Variants in FRMD4A observed in about 807,000 individuals in gnomAD.
The protein encoded by FRMD4A is FERM domain containing 4A, also known as FERM domain-containing protein 4A.
In FRMD4A, 29 loss-of-function variants were observed where a neutral mutation model predicts 129.1. The ratio of observed to expected loss-of-function variants is 0.22; its 90% CI spans 0.17 to 0.31. The LOEUF (loss-of-function observed/expected upper bound fraction) is 0.31. Among genes scored for constraint, FRMD4A ranks in the 10% least tolerant of loss-of-function variants. FRMD4A has a pLI of 1.00. For missense variants in FRMD4A, 1,272 were observed against 1,375.8 expected (o/e 0.92, Z 1.19); for synonymous variants, 634 against 571.6 (o/e 1.11, Z -1.56).
intron 2 of FRMD4A, among the ~76,000 whole-genome samples, chr10:13,913,899 G>A (rs1281189890): frequency 6.6e-6 from 1 of 152,236 alleles, no homozygotes; most frequent in Non-Finnish European, 1.5e-5. Context: ...GATATGAGCT[G>A]TAGCTCAGGA....
chr10:13,968,998 T>C (rs1473894868), intron 2 of FRMD4A, among the ~76,000 whole-genome samples: 1 of 152,214 alleles, frequency 6.6e-6, no homozygotes, highest in Admixed American at 6.5e-5. Context: ...TTATTACAGA[T>C]ATGTCTTTAA....
chr10:14,181,339 G>A (rs1351354932), intron 2 of FRMD4A, among the ~76,000 whole-genome samples: 1 of 151,998 alleles, frequency 6.6e-6, no homozygotes, highest in Non-Finnish European at 1.5e-5. Flanking sequence ...TGTCAAGAGG[G>A]AGAAGAAAAC....
intron 17 of FRMD4A, chr10:13,667,350 A>T (rs1039363495): frequency 3.0e-5 from 2 of 67,262 alleles, no homozygotes; most frequent in African/African-American, 1.0e-4. Context: ...CTCCCACCCC[A>T]CCCCCCCAGC....
At chr10:14,100,056 C>T (rs555532120) in intron 2 of FRMD4A, among the ~76,000 whole-genome samples, 6 of 152,230 alleles carry the variant, frequency 3.9e-5, no homozygotes, top group South Asian at 2.1e-4. Flanking sequence ...CCCCCACGTG[C>T]CAGACAGGCG....
At chr10:13,967,523 C>T (rs1009909535) in intron 2 of FRMD4A, among the ~76,000 whole-genome samples, 1 of 152,114 alleles carries the variant, frequency 6.6e-6, no homozygotes, top group African/African-American at 2.4e-5. Context: ...TCCCCAATAA[C>T]CTATGGAAAT....
chr10:14,262,777 G>T (rs1844848455), intron 2 of FRMD4A, among the ~76,000 whole-genome samples: 1 of 152,166 alleles, frequency 6.6e-6, no homozygotes, highest in Admixed American at 6.5e-5. Flanking sequence ...GGTCATCTTG[G>T]GGGCCTCAGA....
At chr10:13,652,187 C>CTTTTACCCA in intron 23 of FRMD4A, 1 of 589,572 alleles carries the variant, frequency 1.7e-6, no homozygotes, top group Non-Finnish European at 3.0e-6. Flanking sequence ...GACGGGCCCT[C>CTTTTACCCA]TTTTACCCAT....
intron 12 of FRMD4A, among the ~76,000 whole-genome samples, chr10:13,716,751 G>C (rs747931704): frequency 9.2e-5 from 14 of 152,174 alleles, no homozygotes; most frequent in Non-Finnish European, 1.5e-4. Context: ...AGGTTAACAA[G>C]TACTTGACAA....
intron 2 of FRMD4A, among the ~76,000 whole-genome samples, chr10:14,279,182 A>ATTT (rs1223887250): frequency 6.3e-4 from 63 of 99,628 alleles, no homozygotes; most frequent in East Asian, 8.7e-4. Flanking sequence ...AGGAAGCGGG[A>ATTT]TTTTTTTTTT....
chr10:14,207,888 C>A (rs1842831415), intron 2 of FRMD4A, among the ~76,000 whole-genome samples: 1 of 152,020 alleles, frequency 6.6e-6, no homozygotes, highest in African/African-American at 2.4e-5. Flanking sequence ...TCAGTATAAA[C>A]CTCACCTTAA....
At chr10:14,151,908 G>T (rs1047986347) in intron 2 of FRMD4A, among the ~76,000 whole-genome samples, 4 of 152,050 alleles carry the variant, frequency 2.6e-5, no homozygotes, top group African/African-American at 9.7e-5. Context: ...CTGCTTGCAG[G>T]ACACTTTCTA....
intron 2 of FRMD4A, among the ~76,000 whole-genome samples, chr10:14,152,358 G>A (rs1047081828): frequency 6.6e-5 from 10 of 152,044 alleles, no homozygotes; most frequent in African/African-American, 2.4e-4. Flanking sequence ...TCGATCTCCC[G>A]ACAACGTAAT....
intron 2 of FRMD4A, among the ~76,000 whole-genome samples, chr10:14,320,635 C>T (rs1846940737): frequency 1.3e-5 from 2 of 152,358 alleles, no homozygotes; most frequent in African/African-American, 4.8e-5. Context: ...AGGGCCCTTT[C>T]TCAACATGCA....
At chr10:13,838,342 C>A (rs539688606) in intron 3 of FRMD4A, among the ~76,000 whole-genome samples, 2 of 151,698 alleles carry the variant, frequency 1.3e-5, no homozygotes, top group Non-Finnish European at 1.5e-5. Context: ...GATCCTCCTG[C>A]CTTGCCCTCC....
intron 12 of FRMD4A, chr10:13,712,058 T>C (rs2088078175): frequency 6.6e-6 from 1 of 152,268 alleles, no homozygotes; most frequent in African/African-American, 2.4e-5. Context: ...TCCTGCACCA[T>C]GGCCTGGCTT....
rs746051234 is a variant in FRMD4A, at chr10:13,656,628, CCT to C, written c.2953+6_2953+7del. The stretch of plus-strand genomic sequence containing the variant: ...TCTTCCCGCGTGCACCTGGCCGCCC[CCT>C]CTCACCTGACGTGGCCTTGCACATC... On this transcript the variant is annotated splice_donor_region_variant and intron_variant, in intron 22 of 24. Transcript: ENST00000357447. The C allele has an allele frequency of 2.3e-5, 32 of 1,407,160 alleles. No individual in the cohort carries two copies. Among genetic ancestry groups the C allele is most frequent in the Middle Eastern group, 2.7e-4 (1 of 3,692 alleles). The allele number at this position is 1,407,160 out of a possible 1,614,324, so 87.2% of individuals were successfully genotyped here. A position where few individuals can be genotyped will look rare whatever the true frequency, so the allele number is the denominator to read the frequency against.
At chr10:14,325,235 A>G (rs971285960) in intron 2 of FRMD4A, among the ~76,000 whole-genome samples, 5 of 152,206 alleles carry the variant, frequency 3.3e-5, no homozygotes, top group African/African-American at 1.2e-4. Context: ...CAAATTCTGA[A>G]TCTCTTTTCA....
chr10:14,086,869 G>A (rs997078430), intron 2 of FRMD4A, among the ~76,000 whole-genome samples: 7 of 152,318 alleles, frequency 4.6e-5, no homozygotes, highest in South Asian at 4.1e-4. Context: ...TTGGAGAAAC[G>A]ATTTTGCTGC....
chr10:13,715,215 TCTGA>T (rs1473383296), intron 12 of FRMD4A, among the ~76,000 whole-genome samples: 1 of 152,128 alleles, frequency 6.6e-6, no homozygotes, highest in African/African-American at 2.4e-5. Context: ...CAGTTCTAGC[TCTGA>T]CTTTGTAGAG....
Sources: gnomAD v4.1 joint callset for allele counts (sites outside exome capture counted in the v4.1 genomes callset) on GRCh38, gnomAD v4.1.1 for gene constraint, MANE v1.5 for transcripts, NCBI Gene and HGNC (gene_info 2026-07-23, HGNC 2026-07-21) for gene names.